The following FOXP1 variants were observed in gnomAD, a reference collection of about 807,000 sequenced individuals.
FOXP1 encodes forkhead box P1.
FOXP1 carries 15 observed loss-of-function variants against 98.2 expected under a neutral mutation model. The observed-to-expected ratio is 0.15, with a 90% CI of 0.10 to 0.24. The LOEUF is 0.24. FOXP1 is among the 10% of genes least tolerant of loss of function. The pLI is 1.00. For synonymous variants in FOXP1, 371 were observed against 314.5 expected, an observed-to-expected ratio of 1.18 and a Z score of -1.90; for missense variants, 633 against 848.5, an observed-to-expected ratio of 0.75 and a Z score of 3.15.
In FOXP1 at chr3:70,972,684, A is replaced by C; in HGVS notation, c.1531-8T>G. ...ATTATGACGCACTGCATTCTGCAGC[A>C]AGTATAAAAGAGAGAACATTTACAT... On this transcript the variant is annotated splice_polypyrimidine_tract_variant and splice_region_variant and intron_variant, in intron 17 of 20. Transcript: ENST00000649528. The C allele has an allele frequency of 6.2e-7, 1 of 1,613,958 alleles. No homozygotes were observed. The highest frequency in any genetic ancestry group is 8.5e-7 in the Non-Finnish European group (1 of 1,179,840).
At chr3:71,536,573 C>CTTTTTTTTT (rs3039465) in intron 2 of FOXP1, among the ~76,000 whole-genome samples, 1 of 135,012 alleles carries the variant, frequency 7.4e-6, no homozygotes, top group African/African-American at 2.7e-5. Context: ...AACCATGTCT[C>CTTTTTTTTT]TTTTTTTTTT....
At chr3:71,239,650 A>T (rs2067086024) in intron 5 of FOXP1, among the ~76,000 whole-genome samples, 1 of 152,260 alleles carries the variant, frequency 6.6e-6, no homozygotes, top group South Asian at 2.1e-4. Context: ...GTATTTCTAC[A>T]AGGTTTTTTA....
At chr3:71,194,655 C>T (rs1485695329) in intron 6 of FOXP1, among the ~76,000 whole-genome samples, 2 of 151,666 alleles carry the variant, frequency 1.3e-5, no homozygotes, top group African/African-American at 4.8e-5. Context: ...TGGAGCAGTG[C>T]ACATCCAATA....
At chr3:71,196,885 C>G (rs1380463092) in intron 6 of FOXP1, among the ~76,000 whole-genome samples, 1 of 152,194 alleles carries the variant, frequency 6.6e-6, no homozygotes, top group African/African-American at 2.4e-5. Flanking sequence ...AAGATCAAAT[C>G]ACTTGCAGGA....
intron 4 of FOXP1, among the ~76,000 whole-genome samples, chr3:71,312,849 G>A (rs1447725447): frequency 6.6e-6 from 1 of 151,998 alleles, no homozygotes; most frequent in Non-Finnish European, 1.5e-5. Context: ...AAATTAGCTG[G>A]GCATGGTGGT....
At chr3:71,150,359 A>G (rs1157110748) in intron 6 of FOXP1, among the ~76,000 whole-genome samples, 2 of 152,230 alleles carry the variant, frequency 1.3e-5, no homozygotes, top group Non-Finnish European at 2.9e-5. Flanking sequence ...TCCTTCTGAT[A>G]TGCATTTAGA....
intron 2 of FOXP1, among the ~76,000 whole-genome samples, chr3:71,541,692 A>G (rs539240694): frequency 1.2e-4 from 18 of 152,370 alleles, no homozygotes; most frequent in Admixed American, 6.5e-4. Context: ...GCATTAAAAA[A>G]AAAAAGTTAA....
At chr3:71,064,930 C>G (rs1486554528) in intron 7 of FOXP1, 3 of 340,574 alleles carry the variant, frequency 8.8e-6, no homozygotes, top group Non-Finnish European at 1.2e-5. Context: ...ACTGCACGCG[C>G]GCAGGGGCGC....
At chr3:71,434,949 G>A (rs1248302445) in intron 3 of FOXP1, among the ~76,000 whole-genome samples, 3 of 151,782 alleles carry the variant, frequency 2.0e-5, no homozygotes, top group Non-Finnish European at 2.9e-5. Context: ...CGTCACCTCC[G>A]TCTCTCTCGC....
intron 3 of FOXP1, among the ~76,000 whole-genome samples, chr3:71,362,652 T>A (rs1482750965): frequency 6.6e-6 from 1 of 152,170 alleles, no homozygotes; most frequent in African/African-American, 2.4e-5. Context: ...GTATTTTTTG[T>A]AGAGACAGTG....
chr3:71,578,664 T>G (rs2047913155), intron 2 of FOXP1, among the ~76,000 whole-genome samples: 1 of 152,212 alleles, frequency 6.6e-6, no homozygotes, highest in Admixed American at 6.5e-5. Flanking sequence ...CTTTCTTAAT[T>G]TTGGCACTGG....
At chr3:71,206,869 G>A (rs924104350) in intron 5 of FOXP1, among the ~76,000 whole-genome samples, 13 of 152,062 alleles carry the variant, frequency 8.5e-5, no homozygotes, top group Non-Finnish European at 1.5e-4. Context: ...TTTAAGTGCC[G>A]TAATCATAGC....
In FOXP1 at chr3:70,957,773, A is replaced by G; in HGVS notation, c.*1474T>C. On this transcript the variant is annotated 3_prime_UTR_variant, in exon 21 of 21. Coordinates refer to ENST00000649528, the MANE Select transcript of FOXP1 (RefSeq NM_001349338.3). ...TTTGTGATACTGGGTTGGTGATATAATATTGCATAACAAACTGCAGTACCA... is the reference window on the plus strand; with the variant it reads ...TTTGTGATACTGGGTTGGTGATATAGTATTGCATAACAAACTGCAGTACCA... 4.3e-6 allele frequency: 1 copy of G among 233,958 alleles called. No individual in the cohort carries two copies. The highest frequency in any genetic ancestry group is 1.8e-4 in the South Asian group (1 of 5,558). The allele number at this position is 233,958 out of a possible 1,614,324, so 14.5% of individuals were successfully genotyped here.
chr3:71,177,113 T>C (rs576479496), intron 6 of FOXP1, among the ~76,000 whole-genome samples: 4 of 152,156 alleles, frequency 2.6e-5, no homozygotes, highest in Admixed American at 1.3e-4. Flanking sequence ...GGCCTTCCAA[T>C]CAAAGTGTTT....
rs370035437 is a variant in FOXP1 at position 71,278,966 on chromosome 3, T to C, written c.-12+20854A>G. Among the ~76,000 whole-genome samples, 424 of 151,318 alleles carry C rather than the reference T, an allele frequency of 2.8e-3. 2 individuals are homozygous for C. Among genetic ancestry groups the C allele is most frequent in the African/African-American group, 9.6e-3 (398 of 41,278 alleles). ...CAGCACTTTGGGAGGCCGAGGCGGGTGGATCACCTGAGGTCAGGAGTTCGA... is the reference window on the plus strand; with the variant it reads ...CAGCACTTTGGGAGGCCGAGGCGGGCGGATCACCTGAGGTCAGGAGTTCGA... On this transcript the variant is annotated intron_variant, in intron 5 of 20. Coordinates refer to ENST00000649528, the MANE Select transcript of FOXP1 (RefSeq NM_001349338.3).
In FOXP1 at chr3:71,049,203, C is replaced by G. The variant is rs187486426; in HGVS notation, c.511-2108G>C. Among the ~76,000 whole-genome samples, 41 of 152,276 alleles carry G rather than the reference C, an allele frequency of 2.7e-4. No homozygotes were observed. In the East Asian group the frequency reaches 7.5e-3, roughly 28 times the overall value. On this transcript the variant is annotated intron_variant, in intron 9 of 20. Coordinates refer to ENST00000649528, the MANE Select transcript of FOXP1 (RefSeq NM_001349338.3). ...CGAGTTTCGGATCCCCTCCCTAGAG[C>G]TGCAGTCAAAGGTCTGTTTTCCTTT...
intron 6 of FOXP1, chr3:71,130,394 G>A (rs2059492667): frequency 8.8e-7 from 1 of 1,135,926 alleles, no homozygotes. Flanking sequence ...TAAACAAGTT[G>A]GATCACCTTA....
Position 71,290,197 on chromosome 3 carries a change from T to C in FOXP1, c.-12+9623A>G, listed in dbSNP as rs561998252. 2.0e-5 allele frequency among the ~76,000 whole-genome samples: 3 copies of C among 152,274 alleles called. No individual in the cohort carries two copies. In the South Asian group the frequency reaches 6.2e-4, roughly 32 times the overall value. ...CCCCACCCACTGTCTTGCTGTATTT[T>C]AGTGATGGGAGCACCACCTTCTATC... is the stretch of plus-strand genomic sequence containing the variant. On this transcript the variant is annotated intron_variant, in intron 5 of 20. Coordinates refer to ENST00000649528, the MANE Select transcript of FOXP1 (RefSeq NM_001349338.3).
chr3:71,502,346 T>G (rs2041459187), intron 2 of FOXP1, among the ~76,000 whole-genome samples: 5 of 152,280 alleles, frequency 3.3e-5, no homozygotes, highest in Admixed American at 2.0e-4. Flanking sequence ...GCCATCTGGG[T>G]TCTTTATAAG....
Sources: gnomAD v4.1 joint callset for allele counts (sites outside exome capture counted in the v4.1 genomes callset) on GRCh38, gnomAD v4.1.1 for gene constraint, MANE v1.5 for transcripts, NCBI Gene and HGNC (gene_info 2026-07-23, HGNC 2026-07-21) for gene names.